The following UBASH3B variants were observed in gnomAD, a reference collection of about 807,000 sequenced individuals.
UBASH3B encodes ubiquitin-associated and SH3 domain-containing protein B.
A neutral mutation model predicts 83.4 loss-of-function variants in UBASH3B; 37 were observed. The observed-to-expected ratio is 0.44, with a 90% CI of 0.34 to 0.58. The LOEUF (loss-of-function observed/expected upper bound fraction) is 0.58. Among genes scored for constraint, UBASH3B ranks in the 20% least tolerant of loss-of-function variants. The pLI, the probability that UBASH3B is intolerant of heterozygous loss-of-function variation, is 0.01. For missense variants in UBASH3B, 657 were observed against 827.2 expected, an observed-to-expected ratio of 0.79 and a Z score of 2.52; for synonymous variants, 304 against 318.3, an observed-to-expected ratio of 0.96 and a Z score of 0.48.
intron 1 of UBASH3B, among the ~76,000 whole-genome samples, chr11:122,704,626 C>T (rs1243069680): frequency 6.6e-6 from 1 of 151,982 alleles, no homozygotes; most frequent in East Asian, 1.9e-4. Flanking sequence ...TCTCCTGCCT[C>T]AGCCTCCCGA....
intron 5 of UBASH3B, among the ~76,000 whole-genome samples, chr11:122,784,535 C>T (rs1333084299): frequency 1.3e-5 from 2 of 152,180 alleles, no homozygotes; most frequent in Non-Finnish European, 2.9e-5. Flanking sequence ...AAAAATGTGC[C>T]TTCCAACTTA....
chr11:122,725,698 ATTTTTATT>A (rs1860726792), intron 1 of UBASH3B, among the ~76,000 whole-genome samples: 9 of 151,802 alleles, frequency 5.9e-5, no homozygotes, highest in Admixed American at 5.9e-4. Flanking sequence ...TTCTATTTTT[ATTTTTATT>A]TTTTTGAGAC....
chr11:122,689,997 T>G (rs1444376896), intron 1 of UBASH3B, among the ~76,000 whole-genome samples: 1 of 151,422 alleles, frequency 6.6e-6, no homozygotes, highest in African/African-American at 2.4e-5. Flanking sequence ...TTGGGTTTTC[T>G]TGGAAGTCTC....
At chr11:122,708,586 G>A (rs547250995) in intron 1 of UBASH3B, among the ~76,000 whole-genome samples, 1 of 152,226 alleles carries the variant, frequency 6.6e-6, no homozygotes, top group African/African-American at 2.4e-5. Context: ...GAGTCACTGT[G>A]CCCGGCCTTC....
intron 1 of UBASH3B, among the ~76,000 whole-genome samples, chr11:122,712,376 G>A (rs1343154596): frequency 6.6e-6 from 1 of 152,126 alleles, no homozygotes; most frequent in Admixed American, 6.6e-5. Context: ...TTCCTAAGGA[G>A]CTGCTTGGGT....
In UBASH3B at chr11:122,776,924, G is replaced by A. The variant is rs567352074; in HGVS notation, c.216-100G>A. 1,189 of 1,161,200 alleles carry A rather than the reference G, an allele frequency of 1.0e-3. 5 individuals are homozygous for A. The highest frequency in any genetic ancestry group is 1.1e-3 in the South Asian group (69 of 60,874). The allele number at this position is 1,161,200 out of a possible 1,614,324, so 71.9% of individuals were successfully genotyped here. A position where few individuals can be genotyped will look rare whatever the true frequency, so the allele number is the denominator to read the frequency against. On this transcript the variant is annotated intron_variant, in intron 2 of 13. Coordinates refer to ENST00000284273, the MANE Select transcript of UBASH3B (RefSeq NM_032873.5). The stretch of plus-strand genomic sequence containing the variant: ...TGAAAACCCTTCCCCGCGCTGTGCC[G>A]GGGATTTGGAGCACATGGAGGGTGG...
At chr11:122,801,842 C>G (rs146576353) in intron 11 of UBASH3B, among the ~76,000 whole-genome samples, 16 of 152,294 alleles carry the variant, frequency 1.1e-4, no homozygotes, top group African/African-American at 3.8e-4. Context: ...AGTGACCACA[C>G]ATAACAATAA....
intron 13 of UBASH3B, 28 bp from the exon 14 acceptor site, chr11:122,809,721 T>C (rs767731987): frequency 2.5e-6 from 4 of 1,613,450 alleles, no homozygotes; most frequent in Non-Finnish European, 3.4e-6. Flanking sequence ...TCTCCTAATA[T>C]CCCCTTTCTT....
chr11:122,776,535 T>G (rs576686374), intron 2 of UBASH3B, among the ~76,000 whole-genome samples: 11 of 152,282 alleles, frequency 7.2e-5, no homozygotes, highest in Admixed American at 6.5e-4. Flanking sequence ...CTCCAGTCAC[T>G]TAAAGATTCA....
intron 1 of UBASH3B, among the ~76,000 whole-genome samples, chr11:122,669,545 T>C (rs1194451002): frequency 2.0e-5 from 3 of 152,206 alleles, no homozygotes; most frequent in Non-Finnish European, 4.4e-5. Context: ...TGGTGACTAT[T>C]ATTCTGTCAG....
At chr11:122,770,156 C>A (rs1345987608) in intron 1 of UBASH3B, among the ~76,000 whole-genome samples, 2 of 152,212 alleles carry the variant, frequency 1.3e-5, no homozygotes, top group Non-Finnish European at 2.9e-5. Context: ...CAGTGCCTAC[C>A]GCCACGCATG....
intron 1 of UBASH3B, among the ~76,000 whole-genome samples, chr11:122,668,485 GTGGGTGAGATGCT>G (rs919994418): frequency 2.1e-4 from 32 of 152,204 alleles, no homozygotes; most frequent in African/African-American, 6.8e-4. Flanking sequence ...ATCTCTCTAG[GTGGGTGAGATGCT>G]TGGGTGAGAA....
intron 1 of UBASH3B, among the ~76,000 whole-genome samples, chr11:122,675,174 C>T (rs564801282): frequency 1.3e-5 from 2 of 152,324 alleles, no homozygotes; most frequent in East Asian, 1.9e-4. Context: ...TATGGTGCCT[C>T]GGTTTCTGCT....
chr11:122,666,687 G>C (rs771047580), intron 1 of UBASH3B, among the ~76,000 whole-genome samples: 10 of 152,180 alleles, frequency 6.6e-5, no homozygotes, highest in Non-Finnish European at 1.5e-4. Context: ...AAAGTGCTGG[G>C]ATTACAGGCA....
intron 1 of UBASH3B, among the ~76,000 whole-genome samples, chr11:122,712,196 A>G (rs1208205869): frequency 6.6e-6 from 1 of 152,218 alleles, no homozygotes; most frequent in African/African-American, 2.4e-5. Context: ...TGCCAAAGTC[A>G]GCAGTAGAAT....
intron 1 of UBASH3B, among the ~76,000 whole-genome samples, chr11:122,730,235 G>A (rs1431955846): frequency 1.3e-5 from 2 of 152,172 alleles, no homozygotes; most frequent in African/African-American, 4.8e-5. Flanking sequence ...GCAGTGAGCC[G>A]AGATGGCTTG....
At chr11:122,680,163 A>C (rs1404480331) in intron 1 of UBASH3B, among the ~76,000 whole-genome samples, 1 of 152,180 alleles carries the variant, frequency 6.6e-6, no homozygotes, top group African/African-American at 2.4e-5. Context: ...TGTGAAAACC[A>C]TCTTAGCTCA....
intron 12 of UBASH3B, 28 bp from the exon 13 acceptor site, chr11:122,808,039 C>T: frequency 6.4e-7 from 1 of 1,557,938 alleles, no homozygotes; most frequent in Non-Finnish European, 8.9e-7. Context: ...TAGAAACAGT[C>T]TTCCCATACC....
intron 4 of UBASH3B, among the ~76,000 whole-genome samples, chr11:122,780,431 T>C (rs1232699994): frequency 6.6e-6 from 1 of 152,202 alleles, no homozygotes; most frequent in African/African-American, 2.4e-5. Flanking sequence ...ACAAGCTCAC[T>C]TAGCTCAATG....
Sources: allele counts gnomAD v4.1 joint callset (sites outside exome capture counted in the v4.1 genomes callset), GRCh38; gene constraint gnomAD v4.1.1; transcripts MANE v1.5; gene names NCBI Gene and HGNC (gene_info 2026-07-23, HGNC 2026-07-21).